AKAP8L: variants seen among roughly 807,000 people sequenced by gnomAD.
The protein encoded by AKAP8L is A-kinase anchoring protein 8 like.
In AKAP8L, 34 loss-of-function variants were observed where a neutral mutation model predicts 77.5. The observed-to-expected ratio is 0.44, with a 90% confidence interval of 0.33 to 0.58. The LOEUF is 0.58. Among genes scored for constraint, AKAP8L ranks in the 20% least tolerant of loss-of-function variants. The pLI is 0.02. For synonymous variants in AKAP8L, 342 were observed against 340.7 expected (o/e 1.00, Z -0.04); for missense variants, 806 against 887.6 (o/e 0.91, Z 1.17).
chr19:15,397,240 G>A lies in AKAP8L; in HGVS notation c.1446C>T (p.Ala482=). The A allele has an allele frequency of 1.2e-6, 2 of 1,613,976 alleles. No homozygotes were observed. Among genetic ancestry groups the A allele is most frequent in the Non-Finnish European group, 1.7e-6 (2 of 1,179,898 alleles). The part of the protein sequence containing the change: ...MEHFVKKVEA[A]HCAACDLFIP... ...TGAAGAGGTCGCAGGCTGCACAATGGGCTGCCTCCACCTTCTTCACAAAAT... is the reference window on the plus strand; with the variant it reads ...TGAAGAGGTCGCAGGCTGCACAATGAGCTGCCTCCACCTTCTTCACAAAAT... Residue 482 remains alanine, a synonymous_variant, in exon 12 of 14, where the codon GCC becomes GCT. Coordinates refer to ENST00000397410, the MANE Select transcript of AKAP8L (RefSeq NM_014371.4). This position sits in a 1 kb window ranked among gnomAD's most constrained non-coding sequence, Gnocchi z 4.7.
chr19:15,401,106 A>G lies in AKAP8L; in HGVS notation c.816+44T>C, dbSNP rs374517165. 10 of 1,606,662 alleles carry G rather than the reference A, an allele frequency of 6.2e-6. No homozygotes were observed. The highest frequency in any genetic ancestry group is 5.3e-5 in the African/African-American group (4 of 74,904). On this transcript the variant is annotated intron_variant, in intron 5 of 13. Coordinates refer to ENST00000397410, the MANE Select transcript of AKAP8L (RefSeq NM_014371.4). This position sits in a 1 kb window ranked among gnomAD's most constrained non-coding sequence, Gnocchi z 6.2. Reference sequence around the variant, plus strand: ...GGCACCCGGCCCTTAGCTCCGCCCCAGTGGGAACTAAGCTTCCCAGAGGGG... The same window carrying G: ...GGCACCCGGCCCTTAGCTCCGCCCCGGTGGGAACTAAGCTTCCCAGAGGGG...
Position 15,397,774 on chromosome 19 carries a change from G to A in AKAP8L, c.1239C>T (p.His413=). The change falls in exon 10 of 14, where the codon CAC becomes CAT. Residue 413 remains histidine (H), a synonymous_variant. Coordinates refer to ENST00000397410, the MANE Select transcript of AKAP8L (RefSeq NM_014371.4). This position sits in a 1 kb window ranked among gnomAD's most constrained non-coding sequence, Gnocchi z 4.7. ...TGCCTACGTACTTAAAGTGTTCCTT[G>A]TGGAACTTGCTGTCAAGATGGCTGG... The part of the protein sequence containing the change: ...EMASHLDSKF[H]KEHFKYVGTK... 2 of 1,614,026 alleles carry A rather than the reference G, an allele frequency of 1.2e-6. No individual in the cohort carries two copies. The highest frequency in any genetic ancestry group is 1.7e-6 in the Non-Finnish European group (2 of 1,179,904).
chr19:15,386,262 T>G (rs1297067659), intron 12 of AKAP8L, among the ~76,000 whole-genome samples: 1 of 152,172 alleles, frequency 6.6e-6, no homozygotes, highest in Non-Finnish European at 1.5e-5. Context: ...TACAGTTTCA[T>G]TTTGGTATCA....
intron 12 of AKAP8L, chr19:15,383,166 C>A (rs1967454255): frequency 6.6e-6 from 1 of 152,196 alleles, no homozygotes; most frequent in African/African-American, 2.4e-5. Flanking sequence ...GGCGCTTTCC[C>A]CAGATCCTGT....
At chr19:15,409,328 G>A (rs1228486553) in intron 2 of AKAP8L, among the ~76,000 whole-genome samples, 1 of 152,216 alleles carries the variant, frequency 6.6e-6, no homozygotes, top group Non-Finnish European at 1.5e-5. Context: ...GACTACATTT[G>A]ATGAAAAGGG....
chr19:15,389,920 A>AG (rs1270767096), intron 12 of AKAP8L, among the ~76,000 whole-genome samples: 1 of 54,584 alleles, frequency 1.8e-5, no homozygotes, highest in African/African-American at 8.3e-5. Context: ...CCCCAATATT[A>AG]GGTTAAAGCC....
chr19:15,401,126 GA>G lies in AKAP8L; in HGVS notation c.816+23del. The G allele has an allele frequency of 6.2e-7, 1 of 1,606,046 alleles. No homozygotes were observed. Among genetic ancestry groups the G allele is most frequent in the Non-Finnish European group, 8.5e-7 (1 of 1,178,754 alleles). On this transcript the variant is annotated intron_variant, in intron 5 of 13. Transcript: ENST00000397410. The surrounding 1 kb of genome is among the most constrained non-coding windows in gnomAD (Gnocchi z 6.2). ...GCCCCAGTGGGAACTAAGCTTCCCA[GA>G]GGGGAAGGCTGCCTCCACTCACTCG...
chr19:15,380,503 G>A lies in AKAP8L; in HGVS notation c.1632+14C>T. ...CTAAGCTGGGGACAGGGCAGGCCCG[G>A]ACCAGTGCCTCACCTTCAGGTAGCG... On this transcript the variant is annotated intron_variant, in intron 13 of 13. Transcript: ENST00000397410. 1 of 1,613,516 alleles carries A rather than the reference G, an allele frequency of 6.2e-7. No homozygotes were observed. Among genetic ancestry groups the A allele is most frequent in the East Asian group, 2.2e-5 (1 of 44,694 alleles).
chr19:15,399,365 A>G lies in AKAP8L; in HGVS notation c.1094T>C (p.Leu365Ser), dbSNP rs1967843137. The stretch of plus-strand genomic sequence containing the variant: ...GTCCTGACTCTTCTTGCCTGCCTGC[A>G]ACTTGCGCTTGGTCTGGCCATTTTC... ...QDENGQTKRK[L>S]QAGKKSQDKQ... Residue 365 changes from leucine (L) to serine (S), a missense_variant, in exon 9 of 14, where the codon TTG (leucine) becomes TCG (serine). Physicochemically the swap from Leu to Ser is moderately radical, Grantham distance 145. Around this residue, in one of 2 missense-constraint regions of AKAP8L, gnomAD observed 580 missense variants for 694.1 expected, o/e 0.84. Coordinates refer to ENST00000397410, the MANE Select transcript of AKAP8L (RefSeq NM_014371.4). This position sits in a 1 kb window ranked among gnomAD's most constrained non-coding sequence, Gnocchi z 6.1. 8 of 1,613,814 alleles carry G rather than the reference A, an allele frequency of 5.0e-6. No individual in the cohort carries two copies. Among genetic ancestry groups the G allele is most frequent in the Non-Finnish European group, 6.8e-6 (8 of 1,179,816 alleles).
chr19:15,388,395 C>T (rs1967585598), intron 12 of AKAP8L, among the ~76,000 whole-genome samples: 1 of 152,086 alleles, frequency 6.6e-6, no homozygotes, highest in African/African-American at 2.4e-5. Context: ...TAGAAACTTC[C>T]TGTGACAGTG....
In AKAP8L at chr19:15,418,815, G is replaced by A. The variant is rs566441031; in HGVS notation, c.13+96C>T. On this transcript the variant is annotated intron_variant, in intron 1 of 13. Transcript: ENST00000397410. ...TTGTGACCGCAGGGAAGGCAGTGACGGGGCCCCAGGGGAGGTGCGGGCAAG... is the reference window on the plus strand; with the variant it reads ...TTGTGACCGCAGGGAAGGCAGTGACAGGGCCCCAGGGGAGGTGCGGGCAAG... The A allele has an allele frequency of 6.1e-5, 80 of 1,314,240 alleles. No homozygotes were observed. In the African/African-American group the frequency reaches 1.0e-3, roughly 16 times the overall value. The allele number at this position is 1,314,240 out of a possible 1,614,324, so 81.4% of individuals were successfully genotyped here.
chr19:15,398,619 C>T lies in AKAP8L; in HGVS notation c.1157+683G>A, dbSNP rs1436669798. 3.0e-6 allele frequency: 3 copies of T among 986,722 alleles called. No homozygotes were observed. The highest frequency in any genetic ancestry group is 5.2e-4 in the Middle Eastern group (1 of 1,922). 61.1% of individuals were successfully genotyped at this position (986,722 alleles called of 1,614,324 possible). ...GCCAGCCGCCACCGAGACCTCGGGG[C>T]GGGTCCCTACCTCTGCCGGACGTCC... On this transcript the variant is annotated intron_variant, in intron 9 of 13. Transcript: ENST00000397410. This position sits in a 1 kb window ranked among gnomAD's most constrained non-coding sequence, Gnocchi z 9.2.
At chr19:15,410,455 G>T in intron 2 of AKAP8L, 65 bp downstream of exon 2, 2 of 1,402,098 alleles carry the variant, frequency 1.4e-6, no homozygotes, top group East Asian at 2.5e-5. Flanking sequence ...AAAGCCAAAG[G>T]CAACTAAGAA....
chr19:15,409,656 A>G (rs1968070553), intron 2 of AKAP8L, among the ~76,000 whole-genome samples: 1 of 152,200 alleles, frequency 6.6e-6, no homozygotes, highest in Admixed American at 6.5e-5. Context: ...GACAACCAAA[A>G]ACCAGCTTTA....
Position 15,389,511 on chromosome 19 carries a change from G to A in AKAP8L, c.1536+7639C>T, listed in dbSNP as rs113285287. Reference sequence around the variant, plus strand: ...GCTCAGGCCGGGCGTGGTGGCTCACGCCTGTAATCCCAGCACTTTGGGAGG... The same window carrying A: ...GCTCAGGCCGGGCGTGGTGGCTCACACCTGTAATCCCAGCACTTTGGGAGG... On this transcript the variant is annotated intron_variant, in intron 12 of 13. Coordinates refer to ENST00000397410, the MANE Select transcript of AKAP8L (RefSeq NM_014371.4). Among the ~76,000 whole-genome samples the A allele has an allele frequency of 4.3e-3, 653 of 152,122 alleles. 8 individuals carry two copies. The highest frequency in any genetic ancestry group is 0.014 in the African/African-American group (575 of 41,504).
Position 15,400,347 on chromosome 19 carries a change from ATCCTCTCCG to A in AKAP8L, c.987_995del (p.Gly330_Asp332del). Reference sequence around the variant, plus strand: ...CTCTCCCATCCTCTTTTCCCTCCTCATCCTCTCCGTCCTAACAATTTCAAATTCCAACTT... The same window carrying A: ...CTCTCCCATCCTCTTTTCCCTCCTCATCCTAACAATTTCAAATTCCAACTT... On this transcript the variant is annotated inframe_deletion and splice_region_variant, in exon 8 of 14. Coordinates refer to ENST00000397410, the MANE Select transcript of AKAP8L (RefSeq NM_014371.4). 6.2e-7 allele frequency: 1 copy of A among 1,609,442 alleles called. No individual in the cohort carries two copies. The highest frequency in any genetic ancestry group is 8.5e-7 in the Non-Finnish European group (1 of 1,178,916).
In AKAP8L at chr19:15,401,212, A is replaced by AC; in HGVS notation, c.753dup (p.Phe252ValfsTer34). The AC allele has an allele frequency of 6.2e-7, 1 of 1,612,406 alleles. No homozygotes were observed. The highest frequency in any genetic ancestry group is 8.5e-7 in the Non-Finnish European group (1 of 1,179,172). ...CTCATCTGCTTCATGCCATTGCCAA[A>AC]CCCGAAACCAAAGCGGGAGCCGCCC... On this transcript the variant is annotated frameshift_variant, in exon 5 of 14. Transcript: ENST00000397410. LOFTEE classifies it high-confidence loss of function. The surrounding 1 kb of genome is among the most constrained non-coding windows in gnomAD (Gnocchi z 6.2).
chr19:15,400,612 C>A lies in AKAP8L; in HGVS notation c.984+182G>T. The A allele has an allele frequency of 4.9e-6, 4 of 816,438 alleles. No homozygotes were observed. The South Asian group carries it at 6.8e-5, about 14-fold the overall frequency. 50.6% of individuals were successfully genotyped at this position (816,438 alleles called of 1,614,324 possible). On this transcript the variant is annotated intron_variant, in intron 7 of 13. Coordinates refer to ENST00000397410, the MANE Select transcript of AKAP8L (RefSeq NM_014371.4). ...CACAGGGGCTCATCCCATTTTCCAA[C>A]AAGGAAACTGTGCCTCCAGCTAGGC...
At chr19:15,392,375 A>G (rs1039246115) in intron 12 of AKAP8L, among the ~76,000 whole-genome samples, 5 of 152,068 alleles carry the variant, frequency 3.3e-5, no homozygotes, top group Non-Finnish European at 5.9e-5. Context: ...ACATGCCTGT[A>G]GTCCCAGCTA....
Sources: allele counts gnomAD v4.1 joint callset (sites outside exome capture counted in the v4.1 genomes callset), GRCh38; gene constraint gnomAD v4.1.1; regional missense constraint gnomAD v4.1.1; non-coding constraint Gnocchi (gnomAD v3.1); transcripts MANE v1.5; gene names NCBI Gene and HGNC (gene_info 2026-07-23, HGNC 2026-07-21).